Variants in CNTN5 observed in about 807,000 individuals in gnomAD.
CNTN5 encodes the protein contactin 5.
In CNTN5, 77 loss-of-function variants were observed where a neutral mutation model predicts 129.1. That is an observed-to-expected ratio of 0.60 (90% confidence interval 0.50 to 0.72). The LOEUF is 0.72. Among genes scored for constraint, CNTN5 ranks in the 30% least tolerant of loss-of-function variants. The pLI, the probability that CNTN5 is intolerant of heterozygous loss-of-function variation, is 0.00. For missense variants in CNTN5, 1,478 were observed against 1,328.8 expected (o/e 1.11, Z -1.75); for synonymous variants, 509 against 465.6 (o/e 1.09, Z -1.20).
chr11:100,166,834 A>C (rs892298650), intron 13 of CNTN5, among the ~76,000 whole-genome samples: 2 of 151,812 alleles, frequency 1.3e-5, no homozygotes, highest in African/African-American at 4.8e-5. Context: ...TTTCTCTATG[A>C]GTTTCTTGGA....
At chr11:99,248,018 A>G (rs1028412638) in intron 1 of CNTN5, among the ~76,000 whole-genome samples, 2 of 152,160 alleles carry the variant, frequency 1.3e-5, no homozygotes, top group African/African-American at 4.8e-5. Flanking sequence ...CCAGTTCTAG[A>G]TCCCTGAGGA....
intron 3 of CNTN5, among the ~76,000 whole-genome samples, chr11:99,618,261 A>G (rs972348656): frequency 5.9e-5 from 9 of 152,198 alleles, no homozygotes; most frequent in African/African-American, 2.2e-4. Context: ...AAACAAACAC[A>G]TTAATATAAA....
chr11:99,491,045 C>CA (rs1417308940), intron 2 of CNTN5, among the ~76,000 whole-genome samples: 2 of 152,094 alleles, frequency 1.3e-5, no homozygotes, highest in Non-Finnish European at 2.9e-5. Flanking sequence ...GATAGCACAG[C>CA]ACGGATACAC....
At chr11:100,084,370 G>A (rs906282291) in intron 13 of CNTN5, among the ~76,000 whole-genome samples, 4 of 152,090 alleles carry the variant, frequency 2.6e-5, no homozygotes, top group African/African-American at 9.7e-5. Flanking sequence ...ATATAAAATG[G>A]TGAGGAGAGA....
rs869305728 is a variant in CNTN5 at position 99,845,366 on chromosome 11, CTTTTT to C, written c.577+124_577+128del. On this transcript the variant is annotated intron_variant, in intron 6 of 24. Coordinates refer to ENST00000524871, the MANE Select transcript of CNTN5 (RefSeq NM_014361.4). ...GAAAGAAAAGCCTAAGATCTCAAAT[CTTTTT>C]TTTTTTTTTTTTTTTTTTTGAGGCG... 5.3e-3 allele frequency: 457 copies of C among 86,174 alleles called. 1 individual carries two copies. Among genetic ancestry groups the C allele is most frequent in the African/African-American group, 0.02 (395 of 20,122 alleles). The allele number at this position is 86,174 out of a possible 1,614,324, so 5.3% of individuals were successfully genotyped here. A position where few individuals can be genotyped will look rare whatever the true frequency, so the allele number is the denominator to read the frequency against.
chr11:99,756,929 CT>C (rs995763734), intron 3 of CNTN5, among the ~76,000 whole-genome samples: 15 of 144,230 alleles, frequency 1.0e-4, no homozygotes, highest in Non-Finnish European at 1.8e-4. Flanking sequence ...TTTTTTTTTC[CT>C]GAGAAACATT....
At chr11:99,113,407 C>T (rs992332511) in intron 1 of CNTN5, among the ~76,000 whole-genome samples, 5 of 151,510 alleles carry the variant, frequency 3.3e-5, no homozygotes, top group African/African-American at 4.9e-5. Flanking sequence ...AATGATGGAA[C>T]GCAGTAGTGA....
rs536719087 is a variant in CNTN5 at position 100,169,703 on chromosome 11, A to G, written c.1581-21423A>G. On this transcript the variant is annotated intron_variant, in intron 13 of 24. Transcript: ENST00000524871. ...TGTGACTTGCTTTATTAAGATACTG[A>G]TTTTATTGAGGTGGTTTGCAACTAA... Among the ~76,000 whole-genome samples, 7 of 152,098 alleles carry G rather than the reference A, an allele frequency of 4.6e-5. No homozygotes were observed. The South Asian group carries it at 1.5e-3, about 32-fold the overall frequency.
rs150894105 is a variant in CNTN5 at position 99,562,801 on chromosome 11, T to C, written c.55+6532T>C. Among the ~76,000 whole-genome samples the C allele has an allele frequency of 5.0e-4, 76 of 152,278 alleles. 1 individual carries two copies. In the East Asian group the frequency reaches 0.014, roughly 27 times the overall value. On this transcript the variant is annotated intron_variant, in intron 3 of 24. Coordinates refer to ENST00000524871, the MANE Select transcript of CNTN5 (RefSeq NM_014361.4). ...TCTTGCCATTTACCTGGATTCTTAA[T>C]AAAATGGGAAGTGCAGATTTAAAGC...
intron 4 of CNTN5, among the ~76,000 whole-genome samples, chr11:99,832,046 C>G (rs1947157850): frequency 2.6e-5 from 4 of 152,174 alleles, no homozygotes. Context: ...CACCACTGTG[C>G]TGTACATTCA....
chr11:99,833,277 A>C (rs889868145), intron 4 of CNTN5, among the ~76,000 whole-genome samples: 8 of 152,176 alleles, frequency 5.3e-5, no homozygotes, highest in African/African-American at 9.7e-5. Flanking sequence ...ACAGGACTCT[A>C]TAAAGGAAAC....
chr11:99,890,405 C>T (rs1231016284), intron 6 of CNTN5, among the ~76,000 whole-genome samples: 2 of 151,494 alleles, frequency 1.3e-5, no homozygotes, highest in Non-Finnish European at 2.9e-5. Flanking sequence ...ATATCAGTAT[C>T]AATTCATAGA....
chr11:99,486,856 C>G (rs978208159), intron 2 of CNTN5, among the ~76,000 whole-genome samples: 5 of 151,916 alleles, frequency 3.3e-5, no homozygotes, highest in Admixed American at 3.3e-4. Flanking sequence ...TCTTACTACA[C>G]AAAAGAGATT....
At chr11:99,228,431 T>C (rs1203466451) in intron 1 of CNTN5, among the ~76,000 whole-genome samples, 1 of 151,852 alleles carries the variant, frequency 6.6e-6, no homozygotes, top group African/African-American at 2.4e-5. Context: ...CAGAGCAGGG[T>C]GATGGTTAAT....
chr11:99,607,406 C>T (rs1458420832), intron 3 of CNTN5, among the ~76,000 whole-genome samples: 4 of 147,636 alleles, frequency 2.7e-5, no homozygotes, highest in Non-Finnish European at 6.0e-5. Context: ...GAGATATCAT[C>T]TCACACCAGT....
At chr11:99,132,277 AC>A (rs1858981168) in intron 1 of CNTN5, among the ~76,000 whole-genome samples, 2 of 152,316 alleles carry the variant, frequency 1.3e-5, no homozygotes, top group South Asian at 4.1e-4. Context: ...GCCATTTATG[AC>A]AAATCCAGAT....
At chr11:99,284,913 G>C (rs1020114168) in intron 1 of CNTN5, among the ~76,000 whole-genome samples, 2 of 151,964 alleles carry the variant, frequency 1.3e-5, no homozygotes, top group African/African-American at 4.8e-5. Context: ...CCTTCTACTT[G>C]CCTTGCTTTT....
intron 2 of CNTN5, among the ~76,000 whole-genome samples, chr11:99,333,366 T>C (rs1866082934): frequency 6.6e-6 from 1 of 151,970 alleles, no homozygotes; most frequent in Non-Finnish European, 1.5e-5. Context: ...AAAATTGTAG[T>C]TGCTTATACT....
At chr11:99,642,698 C>T (rs1565380761) in intron 3 of CNTN5, among the ~76,000 whole-genome samples, 2 of 152,072 alleles carry the variant, frequency 1.3e-5, no homozygotes, top group South Asian at 2.1e-4. Context: ...AAAACTTATT[C>T]CTCCTGTCTA....
Sources: allele counts gnomAD v4.1 joint callset (sites outside exome capture counted in the v4.1 genomes callset), GRCh38; gene constraint gnomAD v4.1.1; transcripts MANE v1.5; gene names NCBI Gene and HGNC (gene_info 2026-07-23, HGNC 2026-07-21).